The following LCORL variants were observed in gnomAD, a reference collection of about 807,000 sequenced individuals.
The protein encoded by LCORL is ligand dependent nuclear receptor corepressor like.
LCORL carries 41 observed loss-of-function variants against 141.8 expected under a neutral mutation model. The ratio of observed to expected loss-of-function variants is 0.29; its 90% confidence interval spans 0.23 to 0.38. LCORL has a LOEUF of 0.38. LCORL is among the 10% of genes least tolerant of loss of function. The pLI is 1.00. For synonymous variants in LCORL, 618 were observed against 694.1 expected (o/e 0.89, Z 1.72); for missense variants, 1,759 against 2,035.0 (o/e 0.86, Z 2.61).
chr4:17,892,215 T>C (rs570242459), intron 5 of LCORL, among the ~76,000 whole-genome samples: 218 of 149,000 alleles, frequency 1.5e-3, no homozygotes, highest in African/African-American at 5.1e-3. Context: ...TTTTCTTTTT[T>C]TTTTTTTTTT....
chr4:17,843,847 C>T (rs59037741), exon 8 of LCORL: 2,769 of 153,360 alleles, frequency 0.018, 74 homozygotes, highest in East Asian at 0.13. Context: ...AGTAACATTT[C>T]TAGGGAAAAT....
intron 4 of LCORL, among the ~76,000 whole-genome samples, chr4:17,928,122 C>A (rs1197969773): frequency 1.3e-5 from 2 of 152,096 alleles, no homozygotes; most frequent in Admixed American, 1.3e-4. Context: ...ATCAGTCCAC[C>A]CTGGCTGGGC....
chr4:17,912,276 T>C, intron 4 of LCORL: 1 of 689,094 alleles, frequency 1.5e-6, no homozygotes, highest in Non-Finnish European at 2.7e-6. Context: ...ATGAAACCAA[T>C]GTCACTTGGC....
chr4:17,871,527 G>C (rs1210132684), intron 7 of LCORL, among the ~76,000 whole-genome samples: 1 of 151,914 alleles, frequency 6.6e-6, no homozygotes, highest in African/African-American at 2.4e-5. Context: ...TTCTTAGGAA[G>C]ATACAATGAT....
intron 4 of LCORL, among the ~76,000 whole-genome samples, chr4:17,927,412 T>C (rs1348075330): frequency 6.6e-6 from 1 of 152,246 alleles, no homozygotes; most frequent in Non-Finnish European, 1.5e-5. Flanking sequence ...TTAGCACTTT[T>C]AATTTTCTTC....
intron 4 of LCORL, among the ~76,000 whole-genome samples, chr4:17,941,641 TC>T (rs755566553): frequency 5.9e-5 from 9 of 152,284 alleles, no homozygotes; most frequent in Non-Finnish European, 8.8e-5. Flanking sequence ...GCACAAGTCT[TC>T]CAGCTAGCCT....
intron 6 of LCORL, chr4:17,881,831 C>G: frequency 1.0e-6 from 1 of 983,910 alleles, no homozygotes; most frequent in Non-Finnish European, 1.2e-6. Flanking sequence ...ATGTACTTTA[C>G]CTTTAACTTT....
At position 17,962,058 on chromosome 4, in the gene LCORL, T is replaced by C. The variant is rs758077428; in HGVS notation, c.301-26A>G. On this transcript the variant is annotated intron_variant, in intron 3 of 7. Coordinates refer to ENST00000635767, the Ensembl canonical transcript of LCORL. The stretch of plus-strand genomic sequence containing the variant: ...CTAAAAGTATAAGAAAACAACAACA[T>C]ACAGAATTATTTTTTAATTCAAACA... 4 of 1,506,024 alleles carry C rather than the reference T, an allele frequency of 2.7e-6. No homozygotes were observed. In the South Asian group the frequency reaches 3.9e-5, roughly 14 times the overall value. 93.3% of individuals were successfully genotyped at this position (1,506,024 alleles called of 1,614,324 possible).
intron 4 of LCORL, among the ~76,000 whole-genome samples, chr4:17,929,079 A>G (rs1735598583): frequency 6.6e-6 from 1 of 152,238 alleles, no homozygotes; most frequent in Admixed American, 6.5e-5. Context: ...CTTACAAAAA[A>G]TAAACTTTAA....
chr4:18,021,658 C>G lies in LCORL; in HGVS notation c.94G>C (p.Glu32Gln). The G allele has an allele frequency of 3.9e-6, 6 of 1,545,766 alleles. No individual in the cohort carries two copies. In the South Asian group the frequency reaches 6.0e-5, roughly 15 times the overall value. The change falls in exon 1 of 8, where the codon GAG becomes CAG. Residue 32 changes from glutamate to glutamine, a missense_variant. Transcript: ENST00000635767. The surrounding 1 kb of genome is among the most constrained non-coding windows in gnomAD (Gnocchi z 5.5). ...AGTTCCCGCCGGAATCCTCTTCTCTCCGCCGCGCACCGAGGGCTCCGGCAC... is the reference window on the plus strand; with the variant it reads ...AGTTCCCGCCGGAATCCTCTTCTCTGCGCCGCGCACCGAGGGCTCCGGCAC...
At chr4:17,853,503 A>T (rs1225613637) in intron 7 of LCORL, among the ~76,000 whole-genome samples, 1 of 152,146 alleles carries the variant, frequency 6.6e-6, no homozygotes, top group South Asian at 2.1e-4. Flanking sequence ...AGTATTCTTT[A>T]GGTCAAGAGT....
At chr4:17,981,307 AATCTT>A (rs1406341011) in intron 1 of LCORL, among the ~76,000 whole-genome samples, 9 of 152,276 alleles carry the variant, frequency 5.9e-5, no homozygotes, top group Middle Eastern at 6.8e-3. Flanking sequence ...TCATCTTAAC[AATCTT>A]ATCAGCAATG....
At position 17,863,904 on chromosome 4, in the gene LCORL, A is replaced by G. The variant is rs906193631; in HGVS notation, c.5602+9484T>C. Among the ~76,000 whole-genome samples the G allele has an allele frequency of 2.6e-5, 4 of 152,190 alleles. No homozygotes were observed. In the South Asian group the frequency reaches 8.3e-4, roughly 32 times the overall value. The stretch of plus-strand genomic sequence containing the variant: ...CAAACTAATGCAGGAATGGAAAACA[A>G]AACATTTATAAGCATTCTCACTTGT... On this transcript the variant is annotated intron_variant, in intron 7 of 7. Transcript: ENST00000635767.
intron 2 of LCORL, among the ~76,000 whole-genome samples, chr4:17,967,216 A>C (rs912013482): frequency 9.9e-5 from 15 of 152,196 alleles, no homozygotes; most frequent in Admixed American, 8.5e-4. Flanking sequence ...AAAACTTTAG[A>C]GACCATAAAA....
intron 1 of LCORL, among the ~76,000 whole-genome samples, chr4:17,998,154 A>G (rs1721207388): frequency 6.6e-6 from 1 of 152,214 alleles, no homozygotes; most frequent in African/African-American, 2.4e-5. Context: ...TAAAAGATAC[A>G]AAATAGTATA....
rs138421490 is a variant in LCORL at position 17,939,946 on chromosome 4, C to A, written c.430+21957G>T. ...TACATATGTATATGTACTATATATT[C>A]ATATACTATATACGCATATACACAC... is the stretch of plus-strand genomic sequence containing the variant. On this transcript the variant is annotated intron_variant, in intron 4 of 7. Coordinates refer to ENST00000635767, the Ensembl canonical transcript of LCORL. Among the ~76,000 whole-genome samples the A allele has an allele frequency of 5.4e-4, 80 of 149,182 alleles. No homozygotes were observed. The East Asian group carries it at 0.014, about 26-fold the overall frequency.
At chr4:17,866,384 A>G (rs1171105475) in intron 7 of LCORL, among the ~76,000 whole-genome samples, 1 of 152,166 alleles carries the variant, frequency 6.6e-6, no homozygotes, top group Non-Finnish European at 1.5e-5. Flanking sequence ...CTCTCCAAAT[A>G]AACTTGAACC....
chr4:17,898,696 T>A (rs1443411643), intron 5 of LCORL, among the ~76,000 whole-genome samples: 1 of 148,806 alleles, frequency 6.7e-6, no homozygotes, highest in Non-Finnish European at 1.5e-5. Flanking sequence ...ATTGTGTGGA[T>A]ATAAATAATT....
At chr4:17,995,309 G>T (rs1720737528) in intron 1 of LCORL, among the ~76,000 whole-genome samples, 2 of 151,030 alleles carry the variant, frequency 1.3e-5, no homozygotes, top group South Asian at 4.2e-4. Context: ...ATTAATAAAG[G>T]TGTTGCTATT....
Sources: gnomAD v4.1 joint callset for allele counts (sites outside exome capture counted in the v4.1 genomes callset) on GRCh38, gnomAD v4.1.1 for gene constraint, Gnocchi (gnomAD v3.1) non-coding constraint, MANE v1.5 for transcripts, NCBI Gene and HGNC (gene_info 2026-07-23, HGNC 2026-07-21) for gene names.